The following ADARB2 variants were observed in gnomAD, a reference collection of about 807,000 sequenced individuals.
ADARB2 encodes the protein inactive double-stranded RNA-specific editase B2.
Under a neutral mutation model 62.2 loss-of-function variants are expected in ADARB2, and 25 were observed. The observed-to-expected ratio is 0.40, with a 90% CI of 0.29 to 0.56. ADARB2 has a LOEUF of 0.56. ADARB2 is among the 20% of genes least tolerant of loss of function. The probability of loss-of-function intolerance (pLI) is 0.43; values close to 1 mark genes in which losing one functional copy is unlikely to be tolerated. For missense variants in ADARB2, 1,071 were observed against 1,077.4 expected (o/e 0.99, Z 0.08); for synonymous variants, 572 against 500.8 (o/e 1.14, Z -1.90).
chr10:1,502,071 C>A (rs1831774248), intron 1 of ADARB2, among the ~76,000 whole-genome samples: 1 of 152,260 alleles, frequency 6.6e-6, no homozygotes, highest in African/African-American at 2.4e-5. Flanking sequence ...AGGCTGATCA[C>A]TGACCACCAG....
At chr10:1,529,816 G>T (rs1171440957) in intron 1 of ADARB2, among the ~76,000 whole-genome samples, 4 of 152,180 alleles carry the variant, frequency 2.6e-5, no homozygotes, top group Non-Finnish European at 4.4e-5. Flanking sequence ...AAAGGACAGG[G>T]TATCTCCACC....
chr10:1,489,500 C>T (rs1831593052), intron 1 of ADARB2, among the ~76,000 whole-genome samples: 1 of 152,254 alleles, frequency 6.6e-6, no homozygotes, highest in Non-Finnish European at 1.5e-5. Flanking sequence ...ACAGCCGCCA[C>T]TTAATGTGTT....
chr10:1,649,197 T>C (rs1376286041), intron 1 of ADARB2, among the ~76,000 whole-genome samples: 1 of 151,730 alleles, frequency 6.6e-6, no homozygotes, highest in African/African-American at 2.4e-5. Context: ...TGGAATGAAA[T>C]TCAGAAAAAA....
intron 6 of ADARB2, among the ~76,000 whole-genome samples, chr10:1,218,981 T>G (rs4880794): frequency 6.7e-6 from 1 of 150,032 alleles, no homozygotes; most frequent in African/African-American, 2.5e-5. Context: ...ACCCAGGAGG[T>G]GGAGCTTGCA....
chr10:1,332,281 A>G (rs937764567), intron 3 of ADARB2, among the ~76,000 whole-genome samples: 1 of 152,022 alleles, frequency 6.6e-6, no homozygotes, highest in African/African-American at 2.4e-5. Context: ...GTGGACGTCT[A>G]TAGTCCCAGC....
intron 4 of ADARB2, among the ~76,000 whole-genome samples, chr10:1,252,705 T>TA (rs966219872): frequency 2.7e-4 from 41 of 152,254 alleles, no homozygotes; most frequent in African/African-American, 8.7e-4. Context: ...CCATTCTCTA[T>TA]ATTTCCTCTA....
chr10:1,451,507 G>A (rs868651606), intron 1 of ADARB2, among the ~76,000 whole-genome samples: 20 of 152,272 alleles, frequency 1.3e-4, no homozygotes, highest in Middle Eastern at 3.4e-3. Context: ...CTGCAGAGAA[G>A]GGGACACACC....
chr10:1,475,100 A>G (rs1831381252), intron 1 of ADARB2, among the ~76,000 whole-genome samples: 1 of 152,162 alleles, frequency 6.6e-6, no homozygotes, highest in Non-Finnish European at 1.5e-5. Flanking sequence ...AGAGGTGAAG[A>G]GAAATCAACG....
chr10:1,244,997 C>T (rs1830970171), intron 4 of ADARB2, among the ~76,000 whole-genome samples: 2 of 152,164 alleles, frequency 1.3e-5, no homozygotes, highest in Admixed American at 1.3e-4. Flanking sequence ...AGATCTAGCT[C>T]TTCACCAATA....
At position 1,337,062 on chromosome 10, in the gene ADARB2, C is replaced by G. The variant is rs61833564; in HGVS notation, c.1077+25966G>C. ...TTTTCCCTTTTTTACTTAAAGATTT[C>G]TGTGTGTGTGTGTGTGTGTGTGTGT... On this transcript the variant is annotated intron_variant, in intron 3 of 9. Transcript: ENST00000381312. 3.0e-3 allele frequency among the ~76,000 whole-genome samples: 422 copies of G among 142,148 alleles called. 4 individuals carry two copies. Among genetic ancestry groups the G allele is most frequent in the African/African-American group, 0.011 (393 of 37,026 alleles). 93.3% of individuals were successfully genotyped at this position (142,148 alleles called of 152,430 possible).
intron 3 of ADARB2, among the ~76,000 whole-genome samples, chr10:1,293,367 G>C (rs1168416899): frequency 2.0e-5 from 3 of 151,244 alleles, no homozygotes; most frequent in Non-Finnish European, 4.4e-5. Context: ...AGGGAGGAAG[G>C]GAAGGAGAGA....
At chr10:1,571,817 G>A (rs1285180399) in intron 1 of ADARB2, among the ~76,000 whole-genome samples, 1 of 150,070 alleles carries the variant, frequency 6.7e-6, no homozygotes, top group Non-Finnish European at 1.5e-5. Flanking sequence ...GAGTGGACAG[G>A]TGAGTATGCA....
chr10:1,492,786 G>A (rs977315420), intron 1 of ADARB2, among the ~76,000 whole-genome samples: 1 of 152,074 alleles, frequency 6.6e-6, no homozygotes, highest in African/African-American at 2.4e-5. Context: ...GGAGCAGGTA[G>A]GGAAGGAGGT....
intron 1 of ADARB2, among the ~76,000 whole-genome samples, chr10:1,403,385 C>T (rs1257785736): frequency 3.3e-5 from 5 of 152,220 alleles, no homozygotes; most frequent in African/African-American, 4.8e-5. Context: ...TCGTCACTCA[C>T]ACCCCGATGC....
chr10:1,737,155 G>A lies in ADARB2; in HGVS notation c.-5C>T, dbSNP rs3750684. ...GCTCCCCAGGACCGAGGCCATGGCC[G>A]AGACCCAGGCGCGGAGCCCAGAGCC... On this transcript the variant is annotated 5_prime_UTR_variant, in exon 1 of 10. Transcript: ENST00000381312. 863,415 of 1,605,374 alleles carry A rather than the reference G, an allele frequency of 0.54. 236,640 individuals carry two copies. Among genetic ancestry groups the A allele is most frequent in the Non-Finnish European group, 0.56 (660,970 of 1,179,650 alleles).
At chr10:1,719,494 C>T (rs776297565) in intron 1 of ADARB2, among the ~76,000 whole-genome samples, 1 of 152,184 alleles carries the variant, frequency 6.6e-6, no homozygotes, top group Non-Finnish European at 1.5e-5. Context: ...GCATTTTATA[C>T]AGTGGCCTTT....
chr10:1,322,719 GA>G (rs1271362038), intron 3 of ADARB2, among the ~76,000 whole-genome samples: 3 of 151,974 alleles, frequency 2.0e-5, no homozygotes, highest in Non-Finnish European at 4.4e-5. Flanking sequence ...GGAAAGTCTA[GA>G]AAAAAATGTT....
intron 6 of ADARB2, among the ~76,000 whole-genome samples, chr10:1,228,043 T>C (rs1275304476): frequency 6.6e-6 from 1 of 152,216 alleles, no homozygotes; most frequent in African/African-American, 2.4e-5. Flanking sequence ...AATGGGAAAA[T>C]CTGAAGCAGG....
Position 1,423,275 on chromosome 10 carries a change from C to T in ADARB2, c.101-44115G>A, listed in dbSNP as rs1249728061. Reference sequence around the variant, plus strand: ...TTGGCCCCCTCCCTTCCTGAAATCACTGTCCTTCTTTTCCCCTCTAATCTG... The same window carrying T: ...TTGGCCCCCTCCCTTCCTGAAATCATTGTCCTTCTTTTCCCCTCTAATCTG... On this transcript the variant is annotated intron_variant, in intron 1 of 9. Coordinates refer to ENST00000381312, the MANE Select transcript of ADARB2 (RefSeq NM_018702.4). Among the ~76,000 whole-genome samples the T allele has an allele frequency of 2.0e-5, 3 of 152,218 alleles. No individual in the cohort carries two copies. The East Asian group carries it at 5.8e-4, about 29-fold the overall frequency.
Sources: allele counts gnomAD v4.1 joint callset (sites outside exome capture counted in the v4.1 genomes callset), GRCh38; gene constraint gnomAD v4.1.1; transcripts MANE v1.5; gene names NCBI Gene and HGNC (gene_info 2026-07-23, HGNC 2026-07-21).